RAP1GAP: variants seen among roughly 807,000 people sequenced by gnomAD.
RAP1GAP encodes the protein rap1 GTPase-activating protein 1.
A neutral mutation model predicts 87.2 loss-of-function variants in RAP1GAP; 35 were observed. The ratio of observed to expected loss-of-function variants is 0.40; its 90% CI spans 0.31 to 0.53. The LOEUF (loss-of-function observed/expected upper bound fraction) is 0.53, where lower values mean the gene tolerates loss of function less well. Ranked by LOEUF, RAP1GAP falls within the 20% of genes least tolerant of loss-of-function variation. RAP1GAP has a pLI of 0.48. For synonymous variants in RAP1GAP, 375 were observed against 363.9 expected (o/e 1.03, Z -0.35); for missense variants, 734 against 898.9 (o/e 0.82, Z 2.35).
At chr1:21,620,116 GC>G in intron 3 of RAP1GAP, 66 bp from the exon 4 acceptor site, 1 of 1,579,266 alleles carries the variant, frequency 6.3e-7, no homozygotes, top group Non-Finnish European at 8.7e-7. Context: ...GTCTCCACCC[GC>G]CCCGGCCCTC....
chr1:21,636,467 G>C (rs1264551653), intron 2 of RAP1GAP, among the ~76,000 whole-genome samples: 1 of 152,202 alleles, frequency 6.6e-6, no homozygotes, highest in Non-Finnish European at 1.5e-5. Flanking sequence ...CTAGGTGGAA[G>C]TTGTGAGAAG....
At chr1:21,655,915 C>A (rs1050951935) in intron 1 of RAP1GAP, among the ~76,000 whole-genome samples, 4 of 152,170 alleles carry the variant, frequency 2.6e-5, no homozygotes, top group African/African-American at 7.2e-5. Context: ...CTAGGTGGGG[C>A]TGGTGGAGCC....
In RAP1GAP at chr1:21,608,477, G is replaced by A. The variant is rs2076212316; in HGVS notation, c.1159-127C>T. The stretch of plus-strand genomic sequence containing the variant: ...GAATGAGTGGGGAGTGGGGAGGGCG[G>A]AGGGCTCCTGCACCGCCTTCCCCCA... On this transcript the variant is annotated intron_variant, in intron 16 of 24. Transcript: ENST00000374765. 8 of 1,291,804 alleles carry A rather than the reference G, an allele frequency of 6.2e-6. No individual in the cohort carries two copies. The East Asian group carries it at 2.0e-4, about 33-fold the overall frequency. 80.0% of individuals were successfully genotyped at this position (1,291,804 alleles called of 1,614,324 possible). A position where few individuals can be genotyped will look rare whatever the true frequency, so the allele number is the denominator to read the frequency against.
At position 21,665,826 on chromosome 1, in the gene RAP1GAP, T is replaced by C. The variant is rs2152419804; in HGVS notation, c.-149+3428A>G. ...ACTGGCGACCCCTGCTTGGCCCTAG[T>C]GTGGATCCAGAGGCTGCACTCTGCA... On this transcript the variant is annotated intron_variant, in intron 1 of 24. Transcript: ENST00000374765. Among the ~76,000 whole-genome samples, 4 of 152,320 alleles carry C rather than the reference T, an allele frequency of 2.6e-5. 1 individual carries two copies. In the South Asian group the frequency reaches 8.3e-4, roughly 32 times the overall value.
chr1:21,599,692 T>C lies in RAP1GAP; in HGVS notation c.1653-75A>G. The C allele has an allele frequency of 8.5e-6, 13 of 1,533,844 alleles. No individual in the cohort carries two copies. In the East Asian group the frequency reaches 2.8e-4, roughly 32 times the overall value. ...GGGCCAGGCCCTCACTCCCTTGCCCTCCCCAACCCGGGAGGCCCAGCTGGT... is the reference window on the plus strand; with the variant it reads ...GGGCCAGGCCCTCACTCCCTTGCCCCCCCCAACCCGGGAGGCCCAGCTGGT... On this transcript the variant is annotated intron_variant, in intron 20 of 24. Coordinates refer to ENST00000374765, the MANE Select transcript of RAP1GAP (RefSeq NM_002885.4).
chr1:21,640,776 C>A (rs1314235794), intron 2 of RAP1GAP, among the ~76,000 whole-genome samples: 1 of 152,210 alleles, frequency 6.6e-6, no homozygotes, highest in East Asian at 1.9e-4. Flanking sequence ...TCCACCCCTG[C>A]CTGCTCCTAC....
At position 21,613,864 on chromosome 1, in the gene RAP1GAP, C is replaced by A; in HGVS notation, c.395+122G>T. The A allele has an allele frequency of 8.6e-7, 1 of 1,157,642 alleles. No individual in the cohort carries two copies. Among genetic ancestry groups the A allele is most frequent in the Admixed American group, 2.0e-5 (1 of 49,134 alleles). The allele number at this position is 1,157,642 out of a possible 1,614,324, so 71.7% of individuals were successfully genotyped here. On this transcript the variant is annotated intron_variant, in intron 8 of 24. Transcript: ENST00000374765. This position sits in a 1 kb window ranked among gnomAD's most constrained non-coding sequence, Gnocchi z 4.7. ...ACTCGGGTACTAACTTGCTGTGCAA[C>A]CTCAAGCAAATCCCTGCCCCTCTAT... is the stretch of plus-strand genomic sequence containing the variant.
chr1:21,645,230 T>C (rs767128201), intron 2 of RAP1GAP, among the ~76,000 whole-genome samples: 1 of 152,216 alleles, frequency 6.6e-6, no homozygotes, highest in Non-Finnish European at 1.5e-5. Context: ...AGCCAGGAGC[T>C]TGGGCATCTA....
chr1:21,599,376 G>A, intron 21 of RAP1GAP, 118 bp downstream of exon 21: 1 of 1,427,140 alleles, frequency 7.0e-7, no homozygotes, highest in Non-Finnish European at 9.4e-7. Context: ...TTTGGGCCGG[G>A]TCCCCTGATC....
At chr1:21,597,653 C>A in intron 24 of RAP1GAP, 33 bp downstream of exon 24, 1 of 1,546,550 alleles carries the variant, frequency 6.5e-7, no homozygotes, top group South Asian at 1.2e-5. Context: ...CCACCCTCTC[C>A]CACCAAACAC....
chr1:21,609,689 C>A lies in RAP1GAP; in HGVS notation c.1000-43G>T. ...TGTCTGTTCCTGTGGAGCCTGGGGT[C>A]TGCTCTGCCCCACCCAGCCAGAAAC... On this transcript the variant is annotated intron_variant, in intron 14 of 24. Coordinates refer to ENST00000374765, the MANE Select transcript of RAP1GAP (RefSeq NM_002885.4). The surrounding 1 kb of genome is among the most constrained non-coding windows in gnomAD (Gnocchi z 4.4). 1 of 1,433,142 alleles carries A rather than the reference C, an allele frequency of 7.0e-7. No individual in the cohort carries two copies. Among genetic ancestry groups the A allele is most frequent in the South Asian group, 1.6e-5 (1 of 64,046 alleles). 88.8% of individuals were successfully genotyped at this position (1,433,142 alleles called of 1,614,324 possible).
At position 21,609,335 on chromosome 1, in the gene RAP1GAP, G is replaced by C. The variant is rs570229293; in HGVS notation, c.1071+240C>G. Among the ~76,000 whole-genome samples, 1 of 151,770 alleles carries C rather than the reference G, an allele frequency of 6.6e-6. No homozygotes were observed. Among genetic ancestry groups the C allele is most frequent in the African/African-American group, 2.4e-5 (1 of 41,262 alleles). ...CAGAAAGAGAACAGAAATGAGGAGA[G>C]GCCAGTCTACTATGGAAAGTGTAAA... On this transcript the variant is annotated intron_variant, in intron 15 of 24. Coordinates refer to ENST00000374765, the MANE Select transcript of RAP1GAP (RefSeq NM_002885.4). The surrounding 1 kb of genome is among the most constrained non-coding windows in gnomAD (Gnocchi z 4.4).
At chr1:21,608,711 G>A (rs2076373897) in intron 16 of RAP1GAP, 139 bp downstream of exon 16, 23 of 834,422 alleles carry the variant, frequency 2.8e-5, no homozygotes, top group South Asian at 2.4e-4. Context: ...CCTCCTACTC[G>A]TCCATCAATC....
chr1:21,621,521 G>A (rs904003228), intron 3 of RAP1GAP, among the ~76,000 whole-genome samples: 3 of 152,166 alleles, frequency 2.0e-5, no homozygotes, highest in African/African-American at 4.8e-5. Flanking sequence ...CCCACCACAG[G>A]AGTCCATAGG....
In RAP1GAP at chr1:21,626,402, A is replaced by G; in HGVS notation, c.-112-5T>C. 1.9e-6 allele frequency: 3 copies of G among 1,607,878 alleles called. No homozygotes were observed. The highest frequency in any genetic ancestry group is 2.6e-6 in the Non-Finnish European group (3 of 1,174,618). On this transcript the variant is annotated splice_polypyrimidine_tract_variant and splice_region_variant and intron_variant, in intron 2 of 24. Transcript: ENST00000374765. ...TGGTTCTGCCCATCGCTCCTCCTGG[A>G]AGAGAAAGAGTCTGAGGTCAGGGAG...
rs1645299018 is a variant in RAP1GAP at position 21,596,573 on chromosome 1, C to T, written c.*726G>A. 1 of 152,262 alleles carries T rather than the reference C, an allele frequency of 6.6e-6. No homozygotes were observed. Among genetic ancestry groups the T allele is most frequent in the Non-Finnish European group, 1.5e-5 (1 of 68,098 alleles). 9.4% of individuals were successfully genotyped at this position (152,262 alleles called of 1,614,324 possible). A position where few individuals can be genotyped will look rare whatever the true frequency, so the allele number is the denominator to read the frequency against. ...GGCAGTGGACAGGGCATCGGCAGAC[C>T]TGTGGCAGAACTGGAGGGTCCAGGA... On this transcript the variant is annotated 3_prime_UTR_variant, in exon 25 of 25. Transcript: ENST00000374765.
In RAP1GAP at chr1:21,613,094, G is replaced by C. The variant is rs1244606283; in HGVS notation, c.528+82C>G. The C allele has an allele frequency of 1.5e-6, 2 of 1,372,030 alleles. No homozygotes were observed. The highest frequency in any genetic ancestry group is 3.4e-5 in the Admixed American group (2 of 58,404). 85.0% of individuals were successfully genotyped at this position (1,372,030 alleles called of 1,614,324 possible). On this transcript the variant is annotated intron_variant, in intron 10 of 24. Transcript: ENST00000374765. This position sits in a 1 kb window ranked among gnomAD's most constrained non-coding sequence, Gnocchi z 4.7. ...TGAGAGAACCTTGGGAAAGTATCTG[G>C]CACACAGAAGGTGCTTAATAAATGC...
chr1:21,619,939 G>C, intron 4 of RAP1GAP, 76 bp downstream of exon 4: 1 of 1,492,064 alleles, frequency 6.7e-7, no homozygotes, highest in South Asian at 1.1e-5. Flanking sequence ...AAGGGCTGGA[G>C]ATGCAGCAAG....
chr1:21,603,450 G>A lies in RAP1GAP; in HGVS notation c.1429-537C>T, dbSNP rs1349498217. On this transcript the variant is annotated intron_variant, in intron 18 of 24. Coordinates refer to ENST00000374765, the MANE Select transcript of RAP1GAP (RefSeq NM_002885.4). This position sits in a 1 kb window ranked among gnomAD's most constrained non-coding sequence, Gnocchi z 6.0. ...CCAGCTTCTCTGGAGGCAGGAAGGG[G>A]TAGGACCCCAGGTCACTTCGTGGCG... 1.7e-6 allele frequency: 1 copy of A among 579,464 alleles called. No individual in the cohort carries two copies. 35.9% of individuals were successfully genotyped at this position (579,464 alleles called of 1,614,324 possible). A position where few individuals can be genotyped will look rare whatever the true frequency, so the allele number is the denominator to read the frequency against.
Sources: allele counts gnomAD v4.1 joint callset (sites outside exome capture counted in the v4.1 genomes callset), GRCh38; gene constraint gnomAD v4.1.1; non-coding constraint Gnocchi (gnomAD v3.1); transcripts MANE v1.5; gene names NCBI Gene and HGNC (gene_info 2026-07-23, HGNC 2026-07-21).